AK5: variants seen among roughly 807,000 people sequenced by gnomAD.
AK5 encodes adenylate kinase isoenzyme 5.
Under a neutral mutation model 69.5 loss-of-function variants are expected in AK5, and 27 were observed. The ratio of observed to expected loss-of-function variants is 0.39; its 90% confidence interval spans 0.29 to 0.54. The LOEUF is 0.54. Among genes scored for constraint, AK5 ranks in the 20% least tolerant of loss-of-function variants. The pLI, the probability that AK5 is intolerant of heterozygous loss-of-function variation, is 0.71. For missense variants in AK5, 531 were observed against 700.4 expected, an observed-to-expected ratio of 0.76 and a Z score of 2.73; for synonymous variants, 260 against 244.4, an observed-to-expected ratio of 1.06 and a Z score of -0.60.
At chr1:77,408,136 G>C (rs1287149212) in intron 6 of AK5, among the ~76,000 whole-genome samples, 1 of 152,060 alleles carries the variant, frequency 6.6e-6, no homozygotes, top group African/African-American at 2.4e-5. Flanking sequence ...ATTTTCTTTG[G>C]ATATATACCC....
intron 8 of AK5, among the ~76,000 whole-genome samples, chr1:77,466,796 C>T (rs531763083): frequency 5.4e-4 from 82 of 152,284 alleles, no homozygotes; most frequent in African/African-American, 1.8e-3. Context: ...ATGATCTAAA[C>T]ACCTCCCAGT....
intron 2 of AK5, among the ~76,000 whole-genome samples, chr1:77,292,290 C>T (rs1658729734): frequency 6.6e-6 from 1 of 152,134 alleles, no homozygotes; most frequent in East Asian, 1.9e-4. Context: ...TGTAGCCCTT[C>T]CCAGCTCTTT....
chr1:77,402,821 T>A (rs1184278595), intron 6 of AK5, among the ~76,000 whole-genome samples: 1 of 152,208 alleles, frequency 6.6e-6, no homozygotes, highest in Non-Finnish European at 1.5e-5. Context: ...AGTAATGGGA[T>A]GGCTGGGTCA....
At chr1:77,296,187 T>C (rs11162312) in intron 3 of AK5, among the ~76,000 whole-genome samples, 1 of 152,098 alleles carries the variant, frequency 6.6e-6, no homozygotes, top group South Asian at 2.1e-4. Context: ...GAGTGAGGTA[T>C]AGATGCCCAC....
At chr1:77,402,555 C>T (rs1465939468) in intron 6 of AK5, among the ~76,000 whole-genome samples, 5 of 150,468 alleles carry the variant, frequency 3.3e-5, no homozygotes, top group Admixed American at 2.0e-4. Context: ...GTTTGGTTTT[C>T]TGTCCTTGCG....
intron 6 of AK5, among the ~76,000 whole-genome samples, chr1:77,397,979 G>A (rs1648943231): frequency 1.3e-5 from 2 of 152,142 alleles, no homozygotes; most frequent in Admixed American, 1.3e-4. Flanking sequence ...TCATCATAAT[G>A]TCCTGTCTTC....
intron 6 of AK5, among the ~76,000 whole-genome samples, chr1:77,349,034 TC>T (rs1662057601): frequency 6.6e-6 from 1 of 151,050 alleles, no homozygotes; most frequent in African/African-American, 2.4e-5. Flanking sequence ...AAATTAAATG[TC>T]CCCCCTCCAA....
chr1:77,363,962 C>T (rs1646908153), intron 6 of AK5, among the ~76,000 whole-genome samples: 3 of 151,988 alleles, frequency 2.0e-5, no homozygotes, highest in Non-Finnish European at 4.4e-5. Flanking sequence ...CCATGAAGGC[C>T]GGGATTTTTT....
At chr1:77,310,089 A>G (rs1050033650) in intron 5 of AK5, among the ~76,000 whole-genome samples, 2 of 152,094 alleles carry the variant, frequency 1.3e-5, no homozygotes, top group African/African-American at 4.8e-5. Context: ...TATTTATTCT[A>G]TGTGCACTAA....
At chr1:77,424,319 G>A (rs1651045847) in intron 8 of AK5, among the ~76,000 whole-genome samples, 1 of 151,986 alleles carries the variant, frequency 6.6e-6, no homozygotes, top group Admixed American at 6.5e-5. Flanking sequence ...GAAGTGCAGT[G>A]GCATGATCAT....
intron 10 of AK5, among the ~76,000 whole-genome samples, chr1:77,496,331 T>C (rs1656313240): frequency 2.0e-5 from 3 of 152,176 alleles, no homozygotes; most frequent in Non-Finnish European, 1.5e-5. Flanking sequence ...CATGAGAGAC[T>C]GTGATCCCAG....
At chr1:77,548,104 GA>G (rs1659629068) in intron 13 of AK5, among the ~76,000 whole-genome samples, 1 of 152,166 alleles carries the variant, frequency 6.6e-6, no homozygotes, top group Non-Finnish European at 1.5e-5. Flanking sequence ...AAGAGAAAAG[GA>G]AAAACAGTTA....
intron 6 of AK5, among the ~76,000 whole-genome samples, chr1:77,360,014 G>T (rs1352115356): frequency 6.6e-6 from 1 of 152,124 alleles, no homozygotes; most frequent in Admixed American, 6.5e-5. Context: ...AGAAGATGAA[G>T]AATAACACAG....
In AK5 at chr1:77,438,316, A is replaced by G. The variant is rs865774078; in HGVS notation, c.1059+20601A>G. 3.4e-3 allele frequency among the ~76,000 whole-genome samples: 494 copies of G among 144,696 alleles called. 20 individuals carry two copies. Among genetic ancestry groups the G allele is most frequent in the East Asian group, 5.3e-3 (26 of 4,952 alleles). The allele number at this position is 144,696 out of a possible 152,430, so 94.9% of individuals were successfully genotyped here. On this transcript the variant is annotated intron_variant, in intron 8 of 13. Transcript: ENST00000354567. ...GTACAAAAAAAAAAAAAAAAAAAAA[A>G]AAAAAAAACAAGCTTGGGGAGTTCA...
At chr1:77,499,994 T>G (rs1446432260) in intron 10 of AK5, among the ~76,000 whole-genome samples, 1 of 148,162 alleles carries the variant, frequency 6.7e-6, no homozygotes, top group Non-Finnish European at 1.5e-5. Flanking sequence ...TGATGAAAGC[T>G]CAGATTAAGT....
intron 8 of AK5, among the ~76,000 whole-genome samples, chr1:77,421,338 G>A (rs1482933341): frequency 6.6e-6 from 1 of 152,148 alleles, no homozygotes; most frequent in Non-Finnish European, 1.5e-5. Flanking sequence ...GTTGGCAAGA[G>A]GTAAAGCCAG....
chr1:77,429,596 T>C (rs1453364621), intron 8 of AK5, among the ~76,000 whole-genome samples: 1 of 152,202 alleles, frequency 6.6e-6, no homozygotes, highest in Non-Finnish European at 1.5e-5. Flanking sequence ...AAGTTAAAAC[T>C]GTGAAGTACT....
intron 10 of AK5, among the ~76,000 whole-genome samples, chr1:77,502,197 A>G (rs1290123097): frequency 6.6e-6 from 1 of 152,252 alleles, no homozygotes; most frequent in East Asian, 1.9e-4. Flanking sequence ...ACAAGCAGTC[A>G]TAGCAGTGGT....
intron 5 of AK5, chr1:77,313,981 C>A: frequency 2.2e-6 from 1 of 455,476 alleles, no homozygotes. Context: ...TGGCTATTTG[C>A]TTGATGGACA....
Sources: allele counts gnomAD v4.1 joint callset (sites outside exome capture counted in the v4.1 genomes callset), GRCh38; gene constraint gnomAD v4.1.1; transcripts MANE v1.5; gene names NCBI Gene and HGNC (gene_info 2026-07-23, HGNC 2026-07-21).